The following CSMD1 variants were observed in gnomAD, a reference collection of about 807,000 sequenced individuals.
CSMD1 encodes the protein CUB and sushi domain-containing protein 1.
Under a neutral mutation model 417.5 loss-of-function variants are expected in CSMD1, and 213 were observed. The observed-to-expected ratio is 0.51, with a 90% confidence interval of 0.46 to 0.57. CSMD1 has a LOEUF of 0.57. CSMD1 is among the 20% of genes least tolerant of loss of function. The pLI, the probability that CSMD1 is intolerant of heterozygous loss-of-function variation, is 0.00. For synonymous variants in CSMD1, 2,862 were observed against 1,736.8 expected (o/e 1.65, Z -16.11); for missense variants, 6,923 against 4,529.7 (o/e 1.53, Z -15.17).
chr8:4,811,693 G>A (rs1018869118), intron 1 of CSMD1, among the ~76,000 whole-genome samples: 1 of 151,764 alleles, frequency 6.6e-6, no homozygotes, highest in Non-Finnish European at 1.5e-5. Context: ...TTGAGTCACA[G>A]AAATAAGAAA....
At chr8:4,172,376 T>A (rs1379867730) in intron 3 of CSMD1, among the ~76,000 whole-genome samples, 2 of 151,934 alleles carry the variant, frequency 1.3e-5, no homozygotes, top group African/African-American at 4.8e-5. Context: ...TATAATTAAA[T>A]CAAATCCAAA....
At chr8:3,668,588 G>A (rs1205097758) in intron 7 of CSMD1, among the ~76,000 whole-genome samples, 1 of 152,038 alleles carries the variant, frequency 6.6e-6, no homozygotes, top group Non-Finnish European at 1.5e-5. Flanking sequence ...CCTTACTACA[G>A]AAAATATGCA....
At chr8:3,820,889 C>T (rs941671094) in intron 5 of CSMD1, among the ~76,000 whole-genome samples, 1 of 151,932 alleles carries the variant, frequency 6.6e-6, no homozygotes, top group African/African-American at 2.4e-5. Flanking sequence ...GGAATACCTC[C>T]TTAAGGACCT....
intron 1 of CSMD1, among the ~76,000 whole-genome samples, chr8:4,689,993 G>A (rs756686858): frequency 2.6e-5 from 4 of 152,236 alleles, no homozygotes; most frequent in East Asian, 1.9e-4. Flanking sequence ...CTAAAGAATC[G>A]TAATTTAAAA....
intron 3 of CSMD1, among the ~76,000 whole-genome samples, chr8:4,270,929 A>T (rs1804548170): frequency 6.6e-6 from 1 of 152,096 alleles, no homozygotes; most frequent in East Asian, 1.9e-4. Flanking sequence ...GAAAAATGAG[A>T]CACCCCTAGA....
intron 7 of CSMD1, among the ~76,000 whole-genome samples, chr8:3,670,804 T>C (rs1244538077): frequency 6.6e-6 from 1 of 150,748 alleles, no homozygotes; most frequent in Non-Finnish European, 1.5e-5. Flanking sequence ...ATATGGGATA[T>C]ATATGTATAT....
chr8:3,482,899 C>G (rs1161758634), intron 11 of CSMD1, among the ~76,000 whole-genome samples: 2 of 151,934 alleles, frequency 1.3e-5, no homozygotes, highest in Non-Finnish European at 2.9e-5. Context: ...AAGGGAAAGT[C>G]TCAAGTGAAA....
intron 1 of CSMD1, among the ~76,000 whole-genome samples, chr8:4,805,092 A>C (rs184312128): frequency 5.9e-5 from 9 of 152,314 alleles, no homozygotes; most frequent in South Asian, 2.1e-4. Flanking sequence ...TATCCAACTG[A>C]TAATATAATA....
chr8:4,814,459 G>A (rs1237519857), intron 1 of CSMD1, among the ~76,000 whole-genome samples: 1 of 152,080 alleles, frequency 6.6e-6, no homozygotes, highest in Non-Finnish European at 1.5e-5. Flanking sequence ...GTTGGCCAAG[G>A]TGATCTCGAA....
Position 3,897,069 on chromosome 8 carries a change from G to C in CSMD1, c.818+100834C>G, listed in dbSNP as rs532799111. Among the ~76,000 whole-genome samples the C allele has an allele frequency of 3.9e-5, 6 of 152,078 alleles. No homozygotes were observed. In the South Asian group the frequency reaches 6.2e-4, roughly 16 times the overall value. Reference sequence around the variant, plus strand: ...TTTATTAAGGGAAATTATTGTACTGGAAGTTTCCGAATGTTCCTTTCAATA... The same window carrying C: ...TTTATTAAGGGAAATTATTGTACTGCAAGTTTCCGAATGTTCCTTTCAATA... On this transcript the variant is annotated intron_variant, in intron 5 of 69. Coordinates refer to ENST00000635120, the MANE Select transcript of CSMD1 (RefSeq NM_033225.6).
chr8:2,950,363 T>A lies in CSMD1; in HGVS notation c.10202-20A>T. On this transcript the variant is annotated intron_variant, in intron 66 of 69. Transcript: ENST00000635120. Reference sequence around the variant, plus strand: ...AAATGCCTGTGAAAAGATCAGCAGTTTAGGCTTACCTTGGAGAAAGTTAGT... The same window carrying A: ...AAATGCCTGTGAAAAGATCAGCAGTATAGGCTTACCTTGGAGAAAGTTAGT... The A allele has an allele frequency of 6.7e-7, 1 of 1,486,050 alleles. No individual in the cohort carries two copies. The highest frequency in any genetic ancestry group is 9.4e-7 in the Non-Finnish European group (1 of 1,063,594). 92.1% of individuals were successfully genotyped at this position (1,486,050 alleles called of 1,614,324 possible).
intron 5 of CSMD1, among the ~76,000 whole-genome samples, chr8:3,966,028 G>A (rs1289297013): frequency 6.6e-6 from 1 of 152,184 alleles, no homozygotes; most frequent in African/African-American, 2.4e-5. Context: ...GAAAGAAGCA[G>A]AAGACACTGG....
Position 3,201,663 on chromosome 8 carries a change from C to T in CSMD1, c.5047G>A (p.Gly1683Arg). Residue 1683 changes from glycine to arginine, a missense_variant, in exon 32 of 70, where the codon GGA becomes AGA. Gly to Arg is a moderately radical substitution (Grantham distance 125). Transcript: ENST00000635120. ...AGAAGTCTGGCCTGTGCATGGGTTC[C>T]ATCAAATAATTCTGCCAAATCATTC... Reference protein sequence around the residue: ...ALNDLAELFDGTHAQARLLSS... With the variant: ...ALNDLAELFDRTHAQARLLSS... 1 of 1,606,738 alleles carries T rather than the reference C, an allele frequency of 6.2e-7. No homozygotes were observed. Among genetic ancestry groups the T allele is most frequent in the Non-Finnish European group, 8.5e-7 (1 of 1,176,634 alleles).
intron 3 of CSMD1, among the ~76,000 whole-genome samples, chr8:4,303,773 A>T (rs922975460): frequency 6.6e-6 from 1 of 151,994 alleles, no homozygotes; most frequent in African/African-American, 2.4e-5. Context: ...CTCCTGCCTC[A>T]GCCTCCTGAG....
chr8:4,412,471 G>C (rs796809558), intron 3 of CSMD1, among the ~76,000 whole-genome samples: 81 of 152,288 alleles, frequency 5.3e-4, no homozygotes, highest in African/African-American at 1.9e-3. Flanking sequence ...GCAGATGCCA[G>C]TACCACGGTT....
intron 37 of CSMD1, among the ~76,000 whole-genome samples, chr8:3,165,361 G>A (rs1006816831): frequency 1.3e-5 from 2 of 152,044 alleles, no homozygotes; most frequent in African/African-American, 4.8e-5. Flanking sequence ...GCACTAATTC[G>A]CTTGCAACAC....
chr8:3,533,333 C>T (rs753405588), intron 10 of CSMD1, among the ~76,000 whole-genome samples: 1 of 152,142 alleles, frequency 6.6e-6, no homozygotes, highest in Non-Finnish European at 1.5e-5. Flanking sequence ...TACAGCAGAT[C>T]TCTAGAACTT....
chr8:4,541,058 A>G (rs1797360133), intron 2 of CSMD1, among the ~76,000 whole-genome samples: 1 of 152,190 alleles, frequency 6.6e-6, no homozygotes, highest in South Asian at 2.1e-4. Context: ...GATTGTTAGA[A>G]ACTCTAAGGA....
chr8:4,618,642 A>G lies in CSMD1; in HGVS notation c.302+18700T>C, dbSNP rs138827936. ...AGATCTGAAATGAATGCCTTGGGAA[A>G]CCGTTAAATTATTGACTGGATTTCA... On this transcript the variant is annotated intron_variant, in intron 2 of 69. Transcript: ENST00000635120. 5.1e-4 allele frequency among the ~76,000 whole-genome samples: 78 copies of G among 152,180 alleles called. No homozygotes were observed. The East Asian group carries it at 0.011, about 22-fold the overall frequency.
Sources: gnomAD v4.1 joint callset for allele counts (sites outside exome capture counted in the v4.1 genomes callset) on GRCh38, gnomAD v4.1.1 for gene constraint, MANE v1.5 for transcripts, NCBI Gene and HGNC (gene_info 2026-07-23, HGNC 2026-07-21) for gene names.